Variants in RAPGEF5 observed in about 807,000 individuals in gnomAD.
The protein encoded by RAPGEF5 is M-Ras-regulated GEF.
RAPGEF5 carries 65 observed loss-of-function variants against 125.2 expected under a neutral mutation model. The observed-to-expected ratio is 0.52, with a 90% confidence interval of 0.43 to 0.64. RAPGEF5 has a LOEUF of 0.64. Among genes scored for constraint, RAPGEF5 ranks in the 30% least tolerant of loss-of-function variants. RAPGEF5 has a pLI of 0.00. For missense variants in RAPGEF5, 958 were observed against 1,048.1 expected, an observed-to-expected ratio of 0.91 and a Z score of 1.19; for synonymous variants, 391 against 385.9, an observed-to-expected ratio of 1.01 and a Z score of -0.16.
At chr7:22,290,357 A>C (rs1029930507) in intron 6 of RAPGEF5, among the ~76,000 whole-genome samples, 2 of 152,224 alleles carry the variant, frequency 1.3e-5, no homozygotes, top group African/African-American at 4.8e-5. Context: ...CAAAAACTGA[A>C]ACTCAAGGCT....
chr7:22,172,962 T>C (rs1784394854), intron 11 of RAPGEF5, among the ~76,000 whole-genome samples: 1 of 152,248 alleles, frequency 6.6e-6, no homozygotes, highest in South Asian at 2.1e-4. Context: ...AATCCAAGTA[T>C]GGTAATGTGA....
At chr7:22,316,474 TATATATATATATATA>T (rs1281093961) in intron 2 of RAPGEF5, among the ~76,000 whole-genome samples, 18 of 57,274 alleles carry the variant, frequency 3.1e-4, no homozygotes, top group African/African-American at 1.2e-3. Context: ...TATATATATA[TATATATATATATATA>T]TTTTTTTTTT....
intron 24 of RAPGEF5, among the ~76,000 whole-genome samples, chr7:22,127,016 C>T (rs1030951574): frequency 1.3e-5 from 2 of 148,850 alleles, no homozygotes; most frequent in Admixed American, 1.3e-4. Flanking sequence ...TTGAAGTCCT[C>T]ACTGATTCCC....
intron 24 of RAPGEF5, among the ~76,000 whole-genome samples, chr7:22,126,225 T>C (rs1022727736): frequency 6.6e-6 from 1 of 152,138 alleles, no homozygotes; most frequent in Non-Finnish European, 1.5e-5. Context: ...AAATACATTG[T>C]AGAGAAGTGC....
chr7:22,125,734 T>G (rs577772722), intron 24 of RAPGEF5, 76 bp from the exon 25 acceptor site: 14 of 1,354,034 alleles, frequency 1.0e-5, no homozygotes, highest in Non-Finnish European at 1.5e-5. Flanking sequence ...CCTGCTAGGA[T>G]GGAAGGATAA....
chr7:22,222,157 G>T (rs1195100166), intron 8 of RAPGEF5, among the ~76,000 whole-genome samples: 3 of 152,140 alleles, frequency 2.0e-5, no homozygotes, highest in Non-Finnish European at 4.4e-5. Context: ...TGAGGCAGGA[G>T]AATTGCTTGA....
chr7:22,130,195 C>G (rs1450219955), intron 24 of RAPGEF5, among the ~76,000 whole-genome samples: 1 of 152,220 alleles, frequency 6.6e-6, no homozygotes, highest in Non-Finnish European at 1.5e-5. Flanking sequence ...ACAGTTTACT[C>G]TATGACACTA....
intron 11 of RAPGEF5, among the ~76,000 whole-genome samples, chr7:22,190,743 C>T (rs976827247): frequency 1.3e-5 from 2 of 152,170 alleles, no homozygotes; most frequent in Admixed American, 6.5e-5. Context: ...TGTGGGAAAG[C>T]GATGAGAAAT....
chr7:22,198,194 A>C (rs546650803), intron 9 of RAPGEF5, among the ~76,000 whole-genome samples: 15 of 152,270 alleles, frequency 9.9e-5, no homozygotes, highest in African/African-American at 3.6e-4. Context: ...CAATTGGTGA[A>C]TTGTGATACA....
intron 7 of RAPGEF5, among the ~76,000 whole-genome samples, chr7:22,240,690 G>A (rs1238606889): frequency 2.0e-5 from 3 of 150,958 alleles, no homozygotes; most frequent in African/African-American, 7.3e-5. Flanking sequence ...CTTTTTTTTT[G>A]TGCCTTTCAA....
chr7:22,337,059 G>A lies in RAPGEF5; in HGVS notation c.232-19022C>T, dbSNP rs114460165. On this transcript the variant is annotated intron_variant, in intron 1 of 25. Transcript: ENST00000665637. Reference sequence around the variant, plus strand: ...AGATAGAGCCGAATTGTCAAGACAGGGGAATGGCAATACAGAAAGAGTATA... The same window carrying A: ...AGATAGAGCCGAATTGTCAAGACAGAGGAATGGCAATACAGAAAGAGTATA... Among the ~76,000 whole-genome samples, 645 of 152,316 alleles carry A rather than the reference G, an allele frequency of 4.2e-3. 7 individuals carry two copies. The highest frequency in any genetic ancestry group is 0.015 in the African/African-American group (630 of 41,572).
chr7:22,149,643 C>T (rs1388848558), intron 18 of RAPGEF5, among the ~76,000 whole-genome samples: 1 of 151,738 alleles, frequency 6.6e-6, no homozygotes, highest in African/African-American at 2.4e-5. Context: ...CAGCTGACGT[C>T]CCATCACCAT....
At chr7:22,222,270 C>T (rs1448255977) in intron 8 of RAPGEF5, among the ~76,000 whole-genome samples, 1 of 152,058 alleles carries the variant, frequency 6.6e-6, no homozygotes, top group Non-Finnish European at 1.5e-5. Context: ...TTCCTTACAT[C>T]CTGGAGCATA....
At chr7:22,156,717 A>C in intron 16 of RAPGEF5, 93 bp downstream of exon 16, 1 of 1,578,482 alleles carries the variant, frequency 6.3e-7, no homozygotes, top group Non-Finnish European at 8.6e-7. Context: ...GACAGCTGGA[A>C]ATGAAGGTTA....
chr7:22,206,586 T>G (rs1464046140), intron 9 of RAPGEF5, among the ~76,000 whole-genome samples: 4 of 150,972 alleles, frequency 2.6e-5, no homozygotes, highest in Non-Finnish European at 1.5e-5. Context: ...GCCTGTAGTC[T>G]CAGCTACTCT....
intron 5 of RAPGEF5, among the ~76,000 whole-genome samples, chr7:22,299,810 A>G (rs1783154517): frequency 7.0e-6 from 1 of 142,410 alleles, no homozygotes; most frequent in Non-Finnish European, 1.5e-5. Flanking sequence ...ACTTTCTTCC[A>G]CTGGCTTCTG....
chr7:22,311,041 T>C (rs1044827062), intron 3 of RAPGEF5, among the ~76,000 whole-genome samples: 3 of 152,192 alleles, frequency 2.0e-5, no homozygotes, highest in African/African-American at 7.2e-5. Context: ...AAAAATTTTT[T>C]TTGAGACAGG....
chr7:22,232,175 CTAAA>C (rs2128134792), intron 7 of RAPGEF5, among the ~76,000 whole-genome samples: 1 of 152,280 alleles, frequency 6.6e-6, no homozygotes, highest in South Asian at 2.1e-4. Flanking sequence ...AGGATGACTC[CTAAA>C]TAGTTATTCC....
At chr7:22,203,042 T>A in intron 9 of RAPGEF5, 1 of 177,604 alleles carries the variant, frequency 5.6e-6, no homozygotes, top group South Asian at 9.3e-5. Flanking sequence ...TGTATGTGTA[T>A]ATAAATATCA....
Sources: allele counts gnomAD v4.1 joint callset (sites outside exome capture counted in the v4.1 genomes callset), GRCh38; gene constraint gnomAD v4.1.1; transcripts MANE v1.5; gene names NCBI Gene and HGNC (gene_info 2026-07-23, HGNC 2026-07-21).